TSPAN15: variants seen among roughly 807,000 people sequenced by gnomAD.
TSPAN15 encodes the protein tetraspanin 15.
A neutral mutation model predicts 34.5 loss-of-function variants in TSPAN15; 20 were observed. The ratio of observed to expected loss-of-function variants is 0.58; its 90% CI spans 0.41 to 0.84. The LOEUF (loss-of-function observed/expected upper bound fraction) is 0.84, where lower values mean the gene tolerates loss of function less well. TSPAN15 is among the 40% of genes least tolerant of loss of function. TSPAN15 has a pLI of 0.00. For synonymous variants in TSPAN15, 155 were observed against 153.9 expected (o/e 1.01, Z -0.05); for missense variants, 313 against 386.1 (o/e 0.81, Z 1.59).
At chr10:69,505,274 A>G (rs970536731) in intron 6 of TSPAN15, among the ~76,000 whole-genome samples, 2 of 152,234 alleles carry the variant, frequency 1.3e-5, no homozygotes, top group African/African-American at 4.8e-5. Context: ...GCTGTTTAAC[A>G]TAGTTCATCA....
At chr10:69,491,778 G>C (rs1170307573) in intron 3 of TSPAN15, among the ~76,000 whole-genome samples, 1 of 152,138 alleles carries the variant, frequency 6.6e-6, no homozygotes, top group Non-Finnish European at 1.5e-5. Context: ...AGGGAGCCCC[G>C]GGCCACTCCT....
chr10:69,467,393 T>C (rs538716725), intron 1 of TSPAN15, among the ~76,000 whole-genome samples: 1 of 152,274 alleles, frequency 6.6e-6, no homozygotes, highest in Admixed American at 6.5e-5. Context: ...GAGACTTTCC[T>C]GATGGCACTG....
At chr10:69,459,165 G>A (rs1030273764) in intron 1 of TSPAN15, among the ~76,000 whole-genome samples, 4 of 149,926 alleles carry the variant, frequency 2.7e-5, no homozygotes, top group African/African-American at 9.8e-5. Flanking sequence ...ACTTTTAGAT[G>A]TGAATGGGTT....
the TSPAN15 span, among the ~76,000 whole-genome samples, chr10:69,543,792 A>G: frequency 2.5e-4 from 38 of 151,246 alleles, no homozygotes; most frequent in African/African-American, 9.0e-4. Context: ...GGGGCCTCAC[A>G]GCCTGGAGAA....
chr10:69,504,349 C>T (rs953194142), intron 5 of TSPAN15, 89 bp from the exon 6 acceptor site: 27 of 1,326,762 alleles, frequency 2.0e-5, no homozygotes, highest in South Asian at 3.7e-5. Context: ...CTCTGTGCTT[C>T]GGTTTTCATC....
chr10:69,464,723 G>C (rs561807566), intron 1 of TSPAN15, among the ~76,000 whole-genome samples: 21 of 152,156 alleles, frequency 1.4e-4, no homozygotes, highest in Non-Finnish European at 3.1e-4. Flanking sequence ...GGGCCGTAGA[G>C]GGCATCTAGT....
the TSPAN15 span, among the ~76,000 whole-genome samples, chr10:69,515,640 C>A: frequency 1.3e-5 from 2 of 152,328 alleles, no homozygotes; most frequent in South Asian, 4.1e-4. Context: ...CTTCCTGGGG[C>A]CTGAGAAGCA....
chr10:69,465,234 TGGCCACTTGGCTTTCC>T (rs1176221888), intron 1 of TSPAN15, among the ~76,000 whole-genome samples: 1 of 151,982 alleles, frequency 6.6e-6, no homozygotes, highest in African/African-American at 2.4e-5. Context: ...GGGGTGGCAG[TGGCCACTTGGCTTTCC>T]AACCACTAGG....
intron 1 of TSPAN15, among the ~76,000 whole-genome samples, chr10:69,474,791 G>A (rs1484421136): frequency 2.0e-5 from 3 of 152,004 alleles, no homozygotes; most frequent in Non-Finnish European, 4.4e-5. Flanking sequence ...TTCCTACCCC[G>A]CAGCTAGAGC....
intron 4 of TSPAN15, 84 bp from the exon 5 acceptor site, chr10:69,498,196 C>T (rs990697365): frequency 1.2e-5 from 15 of 1,238,388 alleles, no homozygotes; most frequent in East Asian, 4.6e-5. Context: ...AAACTGCCTC[C>T]GTCTCCTGAC....
At chr10:69,508,808 G>T (rs1019168101), downstream of TSPAN15, among the ~76,000 whole-genome samples, 1 of 152,096 alleles carries the variant, frequency 6.6e-6, no homozygotes, top group Non-Finnish European at 1.5e-5. Flanking sequence ...CATGACTTGA[G>T]CCCAGATAGG....
chr10:69,547,135 G>A, the TSPAN15 span, among the ~76,000 whole-genome samples: 1 of 151,990 alleles, frequency 6.6e-6, no homozygotes, highest in East Asian at 1.9e-4. Context: ...CTAGAAGATG[G>A]AAGTTGCAGT....
At chr10:69,539,382 A>AGAAGAGGAAGAG in the TSPAN15 span, among the ~76,000 whole-genome samples, 5,733 of 110,502 alleles carry the variant, frequency 0.052, 420 homozygotes, top group East Asian at 0.086. Flanking sequence ...AAATAGAAGA[A>AGAAGAGGAAGAG]GAAGAGGAAG....
chr10:69,483,919 A>T (rs1841793571), intron 2 of TSPAN15, 43 bp downstream of exon 2: 4 of 1,581,262 alleles, frequency 2.5e-6, no homozygotes, highest in Non-Finnish European at 3.4e-6. Context: ...TCCCCAGGAG[A>T]GCTGGGGCGC....
Position 69,493,469 on chromosome 10 carries a change from CCTT to C in TSPAN15, c.358-2124_358-2122del, listed in dbSNP as rs1257941450. Among the ~76,000 whole-genome samples the C allele has an allele frequency of 2.3e-5, 3 of 128,832 alleles. No individual in the cohort carries two copies. In the East Asian group the frequency reaches 6.0e-4, roughly 26 times the overall value. The allele number at this position is 128,832 out of a possible 152,430, so 84.5% of individuals were successfully genotyped here. A position where few individuals can be genotyped will look rare whatever the true frequency, so the allele number is the denominator to read the frequency against. On this transcript the variant is annotated intron_variant, in intron 3 of 7. Transcript: ENST00000373290. ...AAGGCCAGTTTCTCCGAGCCCATCT[CCTT>C]TTTTTTTTTTTTTTTTTTGAGACAG...
chr10:69,523,664 C>T, the TSPAN15 span: 4 of 211,786 alleles, frequency 1.9e-5, no homozygotes, highest in African/African-American at 7.1e-5. Flanking sequence ...TGTGGATTGT[C>T]AGGCGCTGGA....
At chr10:69,539,897 T>G in the TSPAN15 span, among the ~76,000 whole-genome samples, 2 of 151,668 alleles carry the variant, frequency 1.3e-5, no homozygotes, top group African/African-American at 4.8e-5. Context: ...TTTACTTATC[T>G]CACATAGGCT....
At chr10:69,516,196 T>G in the TSPAN15 span, among the ~76,000 whole-genome samples, 19 of 152,208 alleles carry the variant, frequency 1.2e-4, no homozygotes, top group African/African-American at 3.9e-4. Context: ...TTCATCCCAT[T>G]TAGTCATCAC....
the TSPAN15 span, chr10:69,523,576 T>C: frequency 3.3e-6 from 1 of 307,682 alleles, no homozygotes; most frequent in Non-Finnish European, 6.2e-6. Flanking sequence ...ATGTACCCGA[T>C]AGGAAGCCAA....
Sources: gnomAD v4.1 joint callset for allele counts (sites outside exome capture counted in the v4.1 genomes callset) on GRCh38, gnomAD v4.1.1 for gene constraint, MANE v1.5 for transcripts, NCBI Gene and HGNC (gene_info 2026-07-23, HGNC 2026-07-21) for gene names.